Variants in HEMK2 observed in about 807,000 individuals in gnomAD.
The protein encoded by HEMK2 is methyltransferase HEMK2.
chr21:28,745,258 G>A, the HEMK2 span, among the ~76,000 whole-genome samples: 2 of 152,222 alleles, frequency 1.3e-5, no homozygotes, highest in Admixed American at 6.5e-5. Context: ...TCAGTATGCA[G>A]TATTTCAGAT....
the HEMK2 span, among the ~76,000 whole-genome samples, chr21:28,651,309 CT>C: frequency 6.6e-6 from 1 of 152,074 alleles, no homozygotes; most frequent in African/African-American, 2.4e-5. Flanking sequence ...AATCACTGTA[CT>C]TTTGAACTTA....
At chr21:28,668,429 C>T in the HEMK2 span, among the ~76,000 whole-genome samples, 1 of 152,122 alleles carries the variant, frequency 6.6e-6, no homozygotes, top group Non-Finnish European at 1.5e-5. Flanking sequence ...TATAACATCG[C>T]TCAAAGGCTG....
At chr21:28,618,424 T>C in the HEMK2 span, among the ~76,000 whole-genome samples, 1 of 152,228 alleles carries the variant, frequency 6.6e-6, no homozygotes, top group African/African-American at 2.4e-5. Context: ...TGTTGACACA[T>C]AGTTCATAGT....
the HEMK2 span, among the ~76,000 whole-genome samples, chr21:28,648,380 T>G: frequency 6.6e-6 from 1 of 152,170 alleles, no homozygotes; most frequent in African/African-American, 2.4e-5. Context: ...AATACCTATT[T>G]TATCCTGGCA....
chr21:28,846,168 G>A, the HEMK2 span, among the ~76,000 whole-genome samples: 1 of 152,114 alleles, frequency 6.6e-6, no homozygotes, highest in African/African-American at 2.4e-5. Context: ...TGGTGTACAT[G>A]TGCCACATTT....
the HEMK2 span, among the ~76,000 whole-genome samples, chr21:28,675,675 T>C: frequency 6.6e-6 from 1 of 152,246 alleles, no homozygotes; most frequent in Non-Finnish European, 1.5e-5. Flanking sequence ...ATATTCTGAC[T>C]TGGAGCTGGG....
At chr21:28,774,501 T>A in the HEMK2 span, among the ~76,000 whole-genome samples, 2 of 152,006 alleles carry the variant, frequency 1.3e-5, no homozygotes, top group African/African-American at 2.4e-5. Context: ...GGCAGGTGGA[T>A]CACTTGAGCC....
chr21:28,748,439 T>A, the HEMK2 span, among the ~76,000 whole-genome samples: 20 of 152,184 alleles, frequency 1.3e-4, no homozygotes, highest in Non-Finnish European at 2.6e-4. Flanking sequence ...ATAAACATGG[T>A]AGGTTGGAGT....
the HEMK2 span, among the ~76,000 whole-genome samples, chr21:28,775,764 A>C: frequency 6.6e-6 from 1 of 152,196 alleles, no homozygotes; most frequent in African/African-American, 2.4e-5. Flanking sequence ...TGGGTACTGA[A>C]GCCAGATTAT....
At chr21:28,835,098 G>C in the HEMK2 span, among the ~76,000 whole-genome samples, 1 of 152,066 alleles carries the variant, frequency 6.6e-6, no homozygotes, top group South Asian at 2.1e-4. Flanking sequence ...AATCTTGAGA[G>C]TTCTAGGGCC....
the HEMK2 span, chr21:28,883,087 A>G: frequency 6.1e-5 from 95 of 1,559,776 alleles, no homozygotes; most frequent in Non-Finnish European, 8.1e-5. Flanking sequence ...AAAAAAATAA[A>G]TAAATATTAG....
At chr21:28,804,556 G>A in the HEMK2 span, among the ~76,000 whole-genome samples, 1 of 152,082 alleles carries the variant, frequency 6.6e-6, no homozygotes, top group Non-Finnish European at 1.5e-5. Context: ...GCAACATAGG[G>A]AGACCCCATC....
the HEMK2 span, among the ~76,000 whole-genome samples, chr21:28,841,375 T>TATATATAATATATATATA: frequency 3.6e-5 from 1 of 27,902 alleles, no homozygotes; most frequent in African/African-American, 2.7e-4. Flanking sequence ...TATAAAATAT[T>TATATATAATATATATATA]ATATATAATA....
chr21:28,741,706 T>A, the HEMK2 span, among the ~76,000 whole-genome samples: 2 of 152,208 alleles, frequency 1.3e-5, no homozygotes, highest in Non-Finnish European at 2.9e-5. Context: ...TCTAGCTTCG[T>A]CCATGTCCCT....
the HEMK2 span, among the ~76,000 whole-genome samples, chr21:28,723,518 T>A: frequency 2.0e-5 from 3 of 152,190 alleles, no homozygotes; most frequent in Non-Finnish European, 4.4e-5. Context: ...TCACAGAGTT[T>A]CCAAGGGCTT....
the HEMK2 span, among the ~76,000 whole-genome samples, chr21:28,677,229 A>G: frequency 2.0e-5 from 3 of 152,296 alleles, no homozygotes; most frequent in Admixed American, 2.0e-4. Context: ...AGTCTTAGCA[A>G]ACGGCACAAC....
the HEMK2 span, among the ~76,000 whole-genome samples, chr21:28,857,879 A>G: frequency 6.6e-6 from 1 of 152,252 alleles, no homozygotes; most frequent in African/African-American, 2.4e-5. Context: ...TTCTAAGAAC[A>G]GGGTCCACAC....
the HEMK2 span, among the ~76,000 whole-genome samples, chr21:28,640,490 G>T: frequency 6.6e-6 from 1 of 152,210 alleles, no homozygotes; most frequent in Non-Finnish European, 1.5e-5. Flanking sequence ...TCAACATGCA[G>T]ATCCTAGAAA....
the HEMK2 span, among the ~76,000 whole-genome samples, chr21:28,668,420 A>G: frequency 6.6e-6 from 1 of 152,204 alleles, no homozygotes; most frequent in African/African-American, 2.4e-5. Flanking sequence ...TCTAAGACTT[A>G]TAACATCGCT....
Sources: gnomAD v4.1 joint callset for allele counts (sites outside exome capture counted in the v4.1 genomes callset) on GRCh38, gnomAD v4.1.1 for gene constraint, MANE v1.5 for transcripts, NCBI Gene and HGNC (gene_info 2026-07-23, HGNC 2026-07-21) for gene names.